Variants in MMP26 observed in about 807,000 individuals in gnomAD.
MMP26 encodes the protein matrix metallopeptidase 26.
In MMP26, 33 loss-of-function variants were observed where a neutral mutation model predicts 31.0. That is an observed-to-expected ratio of 1.06 (90% CI 0.81 to 1.42). The LOEUF is 1.42. Ranked by LOEUF, MMP26 falls within the 40% of genes most tolerant of loss-of-function variation. The pLI is 0.00. For missense variants in MMP26, 347 were observed against 316.1 expected, an observed-to-expected ratio of 1.10 and a Z score of -0.74; for synonymous variants, 122 against 114.9, an observed-to-expected ratio of 1.06 and a Z score of -0.40.
intron 2 of MMP26, among the ~76,000 whole-genome samples, chr11:4,976,845 C>T (rs1008582831): frequency 4.6e-5 from 7 of 152,010 alleles, no homozygotes; most frequent in African/African-American, 1.5e-4. Context: ...ATTGCTCTTT[C>T]GCCTGCAGTT....
intron 2 of MMP26, among the ~76,000 whole-genome samples, chr11:4,828,394 T>G (rs770184394): frequency 6.6e-6 from 1 of 152,182 alleles, no homozygotes; most frequent in Non-Finnish European, 1.5e-5. Context: ...TCTATTTTGG[T>G]CATCTGTGTT....
At position 4,836,189 on chromosome 11, in the gene MMP26, T is replaced by C. The variant is rs375853853; in HGVS notation, c.-145+68848T>C. Among the ~76,000 whole-genome samples the C allele has an allele frequency of 6.8e-4, 104 of 152,128 alleles. No individual in the cohort carries two copies. The Middle Eastern group carries it at 0.01, about 15-fold the overall frequency. On this transcript the variant is annotated intron_variant, in intron 2 of 7. Coordinates refer to ENST00000380390, the MANE Select transcript of MMP26 (RefSeq NM_021801.5). ...GAGATTGGGTTTGCTTTACATCTCA[T>C]ATTAAGTAAATCACACTATAAAGCT... is the stretch of plus-strand genomic sequence containing the variant.
chr11:4,870,444 ATATTTTACTGTGATTTAGACAATAT>A (rs770097171), intron 2 of MMP26, among the ~76,000 whole-genome samples: 23 of 152,194 alleles, frequency 1.5e-4, no homozygotes, highest in Non-Finnish European at 1.9e-4. Flanking sequence ...AAAAGTTGAA[ATATTTTACTGTGATTTAGACAATAT>A]TAATGTGAAG....
At chr11:4,807,564 CA>C (rs1849288336) in intron 2 of MMP26, among the ~76,000 whole-genome samples, 1 of 126,112 alleles carries the variant, frequency 7.9e-6, no homozygotes. Context: ...GGGAGTTGAA[CA>C]ACGAGAACAC....
chr11:4,784,687 G>T (rs975097875), intron 2 of MMP26, among the ~76,000 whole-genome samples: 1 of 152,110 alleles, frequency 6.6e-6, no homozygotes, highest in Non-Finnish European at 1.5e-5. Context: ...CCTTGATTTT[G>T]GACTCTGGCT....
At chr11:4,722,146 A>C (rs963797737) in intron 1 of MMP26, among the ~76,000 whole-genome samples, 6 of 152,202 alleles carry the variant, frequency 3.9e-5, no homozygotes, top group Admixed American at 3.9e-4. Flanking sequence ...GAGCCAGTTA[A>C]ACCTCTTTTC....
At chr11:4,949,406 C>A (rs1846349771) in intron 2 of MMP26, among the ~76,000 whole-genome samples, 1 of 122,154 alleles carries the variant, frequency 8.2e-6, no homozygotes. Flanking sequence ...TAAAATGAGG[C>A]ATGTATATTA....
chr11:4,986,960 C>T (rs796414466), intron 2 of MMP26, among the ~76,000 whole-genome samples: 861 of 52,504 alleles, frequency 0.016, no homozygotes, highest in Middle Eastern at 0.1. Flanking sequence ...TCTCTCTCTC[C>T]CTCTCTCTCT....
chr11:4,896,786 T>C (rs1478315461), intron 2 of MMP26, among the ~76,000 whole-genome samples: 3 of 152,176 alleles, frequency 2.0e-5, no homozygotes, highest in Non-Finnish European at 4.4e-5. Context: ...CAAGTAACAT[T>C]AAAAAAGAGG....
chr11:4,873,227 G>A (rs1850333753), intron 2 of MMP26, among the ~76,000 whole-genome samples: 1 of 151,992 alleles, frequency 6.6e-6, no homozygotes, highest in Admixed American at 6.6e-5. Context: ...TGGTCTCTTG[G>A]ATTAAGGTGC....
At chr11:4,788,785 A>C (rs1320374308) in intron 2 of MMP26, among the ~76,000 whole-genome samples, 2 of 152,182 alleles carry the variant, frequency 1.3e-5, no homozygotes, top group African/African-American at 4.8e-5. Context: ...GATTTCATTC[A>C]ATGAAATGAA....
At chr11:4,758,963 T>C (rs1848538585) in intron 1 of MMP26, among the ~76,000 whole-genome samples, 1 of 151,292 alleles carries the variant, frequency 6.6e-6, no homozygotes, top group African/African-American at 2.4e-5. Context: ...AATACAAAAT[T>C]AGCTGGGCAT....
At chr11:4,718,738 G>A (rs1165728474) in intron 1 of MMP26, 2 of 156,868 alleles carry the variant, frequency 1.3e-5, no homozygotes, top group East Asian at 1.9e-4. Flanking sequence ...TGCCCTCTCA[G>A]GAAACAGCCT....
chr11:4,885,219 G>C (rs1850531602), intron 2 of MMP26, among the ~76,000 whole-genome samples: 1 of 152,048 alleles, frequency 6.6e-6, no homozygotes, highest in Non-Finnish European at 1.5e-5. Context: ...TTCTGATTAT[G>C]AGTGTCATAT....
At chr11:4,718,359 G>C (rs991502858) in intron 1 of MMP26, among the ~76,000 whole-genome samples, 1 of 152,162 alleles carries the variant, frequency 6.6e-6, no homozygotes, top group African/African-American at 2.4e-5. Flanking sequence ...AAGACGGAAT[G>C]CTGCTCTCTT....
chr11:4,773,337 G>A (rs1030246068), intron 2 of MMP26, among the ~76,000 whole-genome samples: 2 of 152,120 alleles, frequency 1.3e-5, no homozygotes, highest in African/African-American at 4.8e-5. Flanking sequence ...AACCTATGTG[G>A]CAAAAGACTA....
chr11:4,924,280 T>C, intron 2 of MMP26: 1 of 1,613,666 alleles, frequency 6.2e-7, no homozygotes, highest in Non-Finnish European at 8.5e-7. Context: ...CTTCTAGACC[T>C]TGGAAGCCCG....
At chr11:4,866,042 G>A (rs1486498269) in intron 2 of MMP26, among the ~76,000 whole-genome samples, 1 of 152,066 alleles carries the variant, frequency 6.6e-6, no homozygotes, top group Non-Finnish European at 1.5e-5. Context: ...AAATCAATCA[G>A]TGAAAATGTT....
chr11:4,842,414 G>A (rs1849808722), intron 2 of MMP26, among the ~76,000 whole-genome samples: 2 of 152,208 alleles, frequency 1.3e-5, no homozygotes, highest in South Asian at 2.1e-4. Flanking sequence ...GACTGTACAG[G>A]AGGCAAGGCT....
Sources: gnomAD v4.1 joint callset for allele counts (sites outside exome capture counted in the v4.1 genomes callset) on GRCh38, gnomAD v4.1.1 for gene constraint, MANE v1.5 for transcripts, NCBI Gene and HGNC (gene_info 2026-07-23, HGNC 2026-07-21) for gene names.